Variants in SLC24A4 observed in about 807,000 individuals in gnomAD.
SLC24A4 encodes the protein solute carrier family 24 member 4.
SLC24A4 carries 53 observed loss-of-function variants against 79.0 expected under a neutral mutation model. The observed-to-expected ratio is 0.67, with a 90% CI of 0.54 to 0.84. The LOEUF (loss-of-function observed/expected upper bound fraction) is 0.84. Ranked by LOEUF, SLC24A4 falls within the 40% of genes least tolerant of loss-of-function variation. The pLI, the probability that SLC24A4 is intolerant of heterozygous loss-of-function variation, is 0.00. For synonymous variants in SLC24A4, 323 were observed against 323.8 expected, an observed-to-expected ratio of 1.00 and a Z score of 0.03; for missense variants, 731 against 822.0, an observed-to-expected ratio of 0.89 and a Z score of 1.35.
At chr14:92,433,147 A>C (rs78387951) in intron 2 of SLC24A4, among the ~76,000 whole-genome samples, 1,722 of 152,186 alleles carry the variant, frequency 0.011, 15 homozygotes, top group Admixed American at 0.016. Flanking sequence ...TGGTGTGGTG[A>C]GGGTGGGTGG....
chr14:92,334,866 CCAT>C (rs747888649), intron 2 of SLC24A4, among the ~76,000 whole-genome samples: 2,381 of 151,416 alleles, frequency 0.016, 54 homozygotes, highest in Non-Finnish European at 0.017. Context: ...GTGGTAGCTG[CCAT>C]CATCATCATC....
intron 12 of SLC24A4, among the ~76,000 whole-genome samples, 191 bp downstream of exon 12, chr14:92,456,799 A>G (rs1187035143): frequency 1.3e-5 from 2 of 152,192 alleles, no homozygotes; most frequent in African/African-American, 4.8e-5. Flanking sequence ...TTAGAGCTGC[A>G]GTGGGGTGCG....
intron 2 of SLC24A4, among the ~76,000 whole-genome samples, chr14:92,351,915 G>GAAAGA: frequency 7.1e-6 from 1 of 140,508 alleles, no homozygotes; most frequent in East Asian, 2.1e-4. Flanking sequence ...GGAAGGAAAG[G>GAAAGA]AAGGAAAGGA....
At chr14:92,357,607 T>C in intron 2 of SLC24A4, among the ~76,000 whole-genome samples, 1 of 152,182 alleles carries the variant, frequency 6.6e-6, no homozygotes, top group Non-Finnish European at 1.5e-5. Context: ...GGACAAATAG[T>C]GTATGACTCC....
At chr14:92,377,548 G>A (rs957595924) in intron 2 of SLC24A4, among the ~76,000 whole-genome samples, 2 of 152,202 alleles carry the variant, frequency 1.3e-5, no homozygotes, top group Non-Finnish European at 2.9e-5. Context: ...GCAGGAACAG[G>A]AGGCAGGAGG....
intron 2 of SLC24A4, among the ~76,000 whole-genome samples, chr14:92,385,999 G>A (rs920424260): frequency 6.6e-6 from 1 of 152,146 alleles, no homozygotes; most frequent in African/African-American, 2.4e-5. Flanking sequence ...GCAGGTTCTG[G>A]GGGCTTCAAG....
chr14:92,393,580 C>G (rs564332812), intron 2 of SLC24A4, among the ~76,000 whole-genome samples: 3 of 138,910 alleles, frequency 2.2e-5, no homozygotes, highest in Non-Finnish European at 3.0e-5. Flanking sequence ...GAGTCTCGCT[C>G]TGTCGCCCAG....
At chr14:92,393,109 C>G (rs2141741429) in intron 2 of SLC24A4, among the ~76,000 whole-genome samples, 1 of 152,390 alleles carries the variant, frequency 6.6e-6, no homozygotes, top group Admixed American at 6.5e-5. Flanking sequence ...GAGGCGTCAT[C>G]TATGAGGAAT....
intron 14 of SLC24A4, among the ~76,000 whole-genome samples, chr14:92,488,212 C>G (rs61977320): frequency 6.6e-6 from 1 of 151,912 alleles, no homozygotes; most frequent in African/African-American, 2.4e-5. Context: ...GCCAGGACTA[C>G]GGGCACATGC....
At chr14:92,454,996 A>G (rs756226072) in intron 11 of SLC24A4, among the ~76,000 whole-genome samples, 1 of 151,126 alleles carries the variant, frequency 6.6e-6, no homozygotes, top group Non-Finnish European at 1.5e-5. Flanking sequence ...ATTGGGATTT[A>G]TAGTATCTTT....
In SLC24A4 at chr14:92,323,567, G is replaced by C. The variant is rs1185533102; in HGVS notation, c.-264G>C. 2 of 283,276 alleles carry C rather than the reference G, an allele frequency of 7.1e-6. No individual in the cohort carries two copies. The highest frequency in any genetic ancestry group is 1.2e-4 in the East Asian group (2 of 16,612). The allele number at this position is 283,276 out of a possible 1,614,324, so 17.5% of individuals were successfully genotyped here. ...GGGCCGCCAGCGCCACCGTGCCGGCGTCGCCTCCTCGCCACGGAGCCATGG... is the reference window on the plus strand; with the variant it reads ...GGGCCGCCAGCGCCACCGTGCCGGCCTCGCCTCCTCGCCACGGAGCCATGG... On this transcript the variant is annotated 5_prime_UTR_variant, in exon 1 of 17. Transcript: ENST00000532405. The surrounding 1 kb of genome is among the most constrained non-coding windows in gnomAD (Gnocchi z 4.9).
chr14:92,368,096 T>A (rs1887952950), intron 2 of SLC24A4, among the ~76,000 whole-genome samples: 1 of 152,234 alleles, frequency 6.6e-6, no homozygotes, highest in South Asian at 2.1e-4. Flanking sequence ...TGAAAAAATG[T>A]TGGAGTGAGA....
At chr14:92,384,117 G>T (rs8009153) in intron 2 of SLC24A4, among the ~76,000 whole-genome samples, 50,429 of 151,984 alleles carry the variant, frequency 0.33, 8,870 homozygotes, top group African/African-American at 0.46. Context: ...CCTGGTGGTT[G>T]TTTTCCCCCC....
At chr14:92,388,861 T>C (rs1023095305) in intron 2 of SLC24A4, among the ~76,000 whole-genome samples, 2 of 152,176 alleles carry the variant, frequency 1.3e-5, no homozygotes, top group African/African-American at 4.8e-5. Context: ...CCAGGAGACA[T>C]CTTGCTCCTG....
At chr14:92,371,827 G>A (rs780766543) in intron 2 of SLC24A4, among the ~76,000 whole-genome samples, 2 of 152,234 alleles carry the variant, frequency 1.3e-5, no homozygotes, top group Non-Finnish European at 2.9e-5. Flanking sequence ...CACTCATTAG[G>A]TCTGTTCCAT....
In SLC24A4 at chr14:92,443,415, T is replaced by G; in HGVS notation, c.598T>G (p.Trp200Gly). Reference sequence around the variant, plus strand: ...CTGCTGGCAGGTGGTCCGTCTGACGTGGTGGGCCGTGTGCCGAGACTCCGT... The same window carrying G: ...CTGCTGGCAGGTGGTCCGTCTGACGGGGTGGGCCGTGTGCCGAGACTCCGT... ...LFAGQVVRLT[W>G]WAVCRDSVYY... The change falls in exon 7 of 17, where the codon TGG (tryptophan) becomes GGG (glycine). Residue 200 changes from tryptophan to glycine, a missense_variant. Transcript: ENST00000532405. 6.2e-7 allele frequency: 1 copy of G among 1,614,144 alleles called. No homozygotes were observed. The highest frequency in any genetic ancestry group is 8.5e-7 in the Non-Finnish European group (1 of 1,180,018).
intron 2 of SLC24A4, among the ~76,000 whole-genome samples, chr14:92,408,602 T>C (rs1188828095): frequency 6.6e-6 from 1 of 152,128 alleles, no homozygotes; most frequent in Non-Finnish European, 1.5e-5. Context: ...CTCAGGCAAG[T>C]CACTTAGCTT....
chr14:92,468,892 CTGTGTGTGTGTG>C (rs57575129), intron 12 of SLC24A4, among the ~76,000 whole-genome samples: 3,531 of 81,424 alleles, frequency 0.043, 77 homozygotes, highest in African/African-American at 0.066. Flanking sequence ...AATCATGTAT[CTGTGTGTGTGTG>C]TGTGTGTGTG....
rs78425518 is a variant in SLC24A4 at position 92,395,559 on chromosome 14, C to T, written c.242-38353C>T. On this transcript the variant is annotated intron_variant, in intron 2 of 16. Transcript: ENST00000532405. The stretch of plus-strand genomic sequence containing the variant: ...TCATTTGCAAAAACAATCAAGAGTT[C>T]CTAAAGACTAAGCAATAAGAGCTGC... Among the ~76,000 whole-genome samples the T allele has an allele frequency of 8.4e-3, 1,271 of 152,180 alleles. 23 individuals carry two copies. The highest frequency in any genetic ancestry group is 0.029 in the African/African-American group (1,202 of 41,494).
Sources: allele counts gnomAD v4.1 joint callset (sites outside exome capture counted in the v4.1 genomes callset), GRCh38; gene constraint gnomAD v4.1.1; non-coding constraint Gnocchi (gnomAD v3.1); transcripts MANE v1.5; gene names NCBI Gene and HGNC (gene_info 2026-07-23, HGNC 2026-07-21).